The following VTI1A variants were observed in gnomAD, a reference collection of about 807,000 sequenced individuals.
VTI1A encodes the protein vesicle transport through interaction with t-SNAREs homolog 1A.
VTI1A carries 22 observed loss-of-function variants against 34.9 expected under a neutral mutation model. The observed-to-expected ratio is 0.63, with a 90% CI of 0.45 to 0.90. VTI1A has a LOEUF of 0.90. Ranked by LOEUF, VTI1A falls within the 40% of genes least tolerant of loss-of-function variation. The pLI is 0.00. For synonymous variants in VTI1A, 87 were observed against 97.3 expected (o/e 0.89, Z 0.62); for missense variants, 268 against 275.6 (o/e 0.97, Z 0.20).
chr10:112,628,859 C>T (rs1269405868), intron 5 of VTI1A, among the ~76,000 whole-genome samples: 2 of 151,716 alleles, frequency 1.3e-5, no homozygotes, highest in Non-Finnish European at 1.5e-5. Flanking sequence ...GGTGTATATC[C>T]TCGCAGTGTT....
At chr10:112,504,473 A>G (rs558679197) in intron 3 of VTI1A, among the ~76,000 whole-genome samples, 3 of 151,734 alleles carry the variant, frequency 2.0e-5, no homozygotes, top group African/African-American at 4.8e-5. Flanking sequence ...AGAACTTTCC[A>G]TATCAATATG....
chr10:112,732,751 C>T (rs1412955318), intron 7 of VTI1A, among the ~76,000 whole-genome samples: 1 of 152,136 alleles, frequency 6.6e-6, no homozygotes, highest in Non-Finnish European at 1.5e-5. Flanking sequence ...ACCCTTTATT[C>T]CCCTTGGGCT....
chr10:112,831,780 T>C, the VTI1A span: 1 of 152,224 alleles, frequency 6.6e-6, no homozygotes. Context: ...CAATTCTGCC[T>C]AACCTCCTAA....
chr10:112,696,399 CA>C (rs1489372249), intron 7 of VTI1A, among the ~76,000 whole-genome samples: 2 of 152,092 alleles, frequency 1.3e-5, no homozygotes, highest in African/African-American at 4.8e-5. Context: ...GGCTGGTTTG[CA>C]TGCATTTCAA....
chr10:112,852,769 GT>G, the VTI1A span, among the ~76,000 whole-genome samples: 1 of 152,056 alleles, frequency 6.6e-6, no homozygotes, highest in Non-Finnish European at 1.5e-5. Context: ...TCTTGGTTTT[GT>G]TTTGTTTTGT....
At chr10:112,777,636 G>A (rs886947906) in intron 7 of VTI1A, among the ~76,000 whole-genome samples, 2 of 152,178 alleles carry the variant, frequency 1.3e-5, no homozygotes, top group Non-Finnish European at 1.5e-5. Flanking sequence ...TTAATTCCAT[G>A]CCTGACATTC....
intron 5 of VTI1A, among the ~76,000 whole-genome samples, chr10:112,574,590 CT>C (rs1452635297): frequency 6.6e-6 from 1 of 152,168 alleles, no homozygotes; most frequent in Non-Finnish European, 1.5e-5. Context: ...TTCTGAGCTT[CT>C]TTTTTTCTTA....
In VTI1A at chr10:112,757,351, A is replaced by ATTTTTTTTTTTTTTT. The variant is rs1175362768; in HGVS notation, c.561-57921_561-57907dup. Among the ~76,000 whole-genome samples the ATTTTTTTTTTTTTTT allele has an allele frequency of 4.2e-4, 17 of 40,692 alleles. 3 individuals carry two copies. Among genetic ancestry groups the ATTTTTTTTTTTTTTT allele is most frequent in the African/African-American group, 1.0e-3 (10 of 9,700 alleles). 26.7% of individuals were successfully genotyped at this position (40,692 alleles called of 152,430 possible). Reference sequence around the variant, plus strand: ...CTTTCACCCTTTCTTTGTTGCTGTGATTTTTTTTTTTTTTTTTTTTTTTTT... The same window carrying ATTTTTTTTTTTTTTT: ...CTTTCACCCTTTCTTTGTTGCTGTGATTTTTTTTTTTTTTTTTTTTTTTTTTTTTTTTTTTTTTTT... On this transcript the variant is annotated intron_variant, in intron 7 of 7. Coordinates refer to ENST00000393077, the MANE Select transcript of VTI1A (RefSeq NM_145206.4).
chr10:112,781,679 A>G (rs1340265934), intron 7 of VTI1A, among the ~76,000 whole-genome samples: 1 of 151,954 alleles, frequency 6.6e-6, no homozygotes, highest in Non-Finnish European at 1.5e-5. Context: ...CGCCTCTACT[A>G]AAAAAACAAA....
At chr10:112,683,845 C>T (rs575823806) in intron 7 of VTI1A, among the ~76,000 whole-genome samples, 62 of 152,306 alleles carry the variant, frequency 4.1e-4, no homozygotes, top group Non-Finnish European at 5.6e-4. Context: ...GAGTTCGAGA[C>T]CAGCCTGGCC....
At position 112,767,149 on chromosome 10, in the gene VTI1A, T is replaced by A. The variant is rs557629693; in HGVS notation, c.561-48141T>A. 4.3e-4 allele frequency among the ~76,000 whole-genome samples: 65 copies of A among 152,346 alleles called. No individual in the cohort carries two copies. Among genetic ancestry groups the A allele is most frequent in the African/African-American group, 1.6e-3 (65 of 41,578 alleles). ...TCAATCCATATTGGAATAATAGTAA[T>A]AGCTAGCATTTATTGAGTGCCTTAC... On this transcript the variant is annotated intron_variant, in intron 7 of 7. Transcript: ENST00000393077. This position sits in a 1 kb window ranked among gnomAD's most constrained non-coding sequence, Gnocchi z 4.0.
Position 112,781,058 on chromosome 10 carries a change from C to T in VTI1A, c.561-34232C>T, listed in dbSNP as rs192789506. 2.7e-3 allele frequency among the ~76,000 whole-genome samples: 407 copies of T among 152,268 alleles called. 4 individuals carry two copies. Among genetic ancestry groups the T allele is most frequent in the African/African-American group, 9.3e-3 (388 of 41,558 alleles). Reference sequence around the variant, plus strand: ...CTCCCAGGTTTAAGCAATTCTCCTGCCTCAGCCTCCCAAGTAGCTGGGACT... The same window carrying T: ...CTCCCAGGTTTAAGCAATTCTCCTGTCTCAGCCTCCCAAGTAGCTGGGACT... On this transcript the variant is annotated intron_variant, in intron 7 of 7. Coordinates refer to ENST00000393077, the MANE Select transcript of VTI1A (RefSeq NM_145206.4).
Position 112,815,141 on chromosome 10 carries a change from A to ACGCG in VTI1A, c.561-148_561-147insGCGC, listed in dbSNP as rs879166488. The stretch of plus-strand genomic sequence containing the variant: ...TGCGTGATGTCTCTTTCGCGCGCGC[A>ACGCG]CACACACACACACACACACACACAC... On this transcript the variant is annotated intron_variant, in intron 7 of 7. Transcript: ENST00000393077. 6.6e-5 allele frequency: 13 copies of ACGCG among 196,810 alleles called. No homozygotes were observed. The East Asian group carries it at 9.8e-4, about 15-fold the overall frequency. 12.2% of individuals were successfully genotyped at this position (196,810 alleles called of 1,614,324 possible).
rs560826217 is a variant in VTI1A at position 112,518,021 on chromosome 10, T to C, written c.265-9066T>C. Among the ~76,000 whole-genome samples, 18 of 152,216 alleles carry C rather than the reference T, an allele frequency of 1.2e-4. No individual in the cohort carries two copies. The East Asian group carries it at 1.5e-3, about 13-fold the overall frequency. On this transcript the variant is annotated intron_variant, in intron 3 of 7. Coordinates refer to ENST00000393077, the MANE Select transcript of VTI1A (RefSeq NM_145206.4). Reference sequence around the variant, plus strand: ...ATGGGAACTCTCTGCACTGTTGTTGTAAACTTTTTATAAATCTTAAACAAT... The same window carrying C: ...ATGGGAACTCTCTGCACTGTTGTTGCAAACTTTTTATAAATCTTAAACAAT...
chr10:112,688,758 C>G, intron 7 of VTI1A, among the ~76,000 whole-genome samples: 1 of 152,038 alleles, frequency 6.6e-6, no homozygotes, highest in Admixed American at 6.6e-5. Flanking sequence ...AGGCTGGTCT[C>G]AAACTCCTGA....
chr10:112,659,648 C>G (rs772382279), intron 5 of VTI1A, among the ~76,000 whole-genome samples: 9 of 152,118 alleles, frequency 5.9e-5, no homozygotes, highest in African/African-American at 1.9e-4. Flanking sequence ...AGAATACATA[C>G]TCAGCTACTG....
intron 7 of VTI1A, among the ~76,000 whole-genome samples, chr10:112,693,609 C>A (rs11196059): frequency 0.2 from 29,901 of 152,114 alleles, 6,391 homozygotes; most frequent in African/African-American, 0.52. Context: ...GCTCAAGGCA[C>A]CTTCACCATG....
At chr10:112,665,311 A>G (rs996359819) in intron 5 of VTI1A, among the ~76,000 whole-genome samples, 1 of 152,120 alleles carries the variant, frequency 6.6e-6, no homozygotes, top group African/African-American at 2.4e-5. Flanking sequence ...GGGGAAAAAA[A>G]AAAAAAGCCC....
intron 7 of VTI1A, among the ~76,000 whole-genome samples, chr10:112,770,952 A>G (rs1171067355): frequency 6.6e-6 from 1 of 152,140 alleles, no homozygotes; most frequent in Non-Finnish European, 1.5e-5. Context: ...ACTTATCTCT[A>G]AAGAATGTTC....
Sources: gnomAD v4.1 joint callset for allele counts (sites outside exome capture counted in the v4.1 genomes callset) on GRCh38, gnomAD v4.1.1 for gene constraint, Gnocchi (gnomAD v3.1) non-coding constraint, MANE v1.5 for transcripts, NCBI Gene and HGNC (gene_info 2026-07-23, HGNC 2026-07-21) for gene names.